Variants in ACAD11 observed in about 807,000 individuals in gnomAD.
ACAD11 encodes acyl-CoA dehydrogenase family member 11.
In ACAD11, 83 loss-of-function variants were observed where a neutral mutation model predicts 102.2. That is an observed-to-expected ratio of 0.81 (90% confidence interval 0.68 to 0.97). ACAD11 has a LOEUF of 0.97. Among genes scored for constraint, ACAD11 ranks in the 50% least tolerant of loss-of-function variants. The pLI is 0.00. For missense variants in ACAD11, 901 were observed against 951.7 expected (o/e 0.95, Z 0.70); for synonymous variants, 324 against 319.8 (o/e 1.01, Z -0.14).
rs1200833827 is a variant in ACAD11, at chr3:132,659,779, G to A, written c.-28C>T. On this transcript the variant is annotated 5_prime_UTR_variant, in exon 1 of 20. Transcript: ENST00000264990. ...TCACCCCCGCAGGCCACAGCAACGCGGCATCCACAGGTCTCGAGTGCCGAA... is the reference window on the plus strand; with the variant it reads ...TCACCCCCGCAGGCCACAGCAACGCAGCATCCACAGGTCTCGAGTGCCGAA... The A allele has an allele frequency of 2.6e-6, 4 of 1,564,994 alleles. No individual in the cohort carries two copies. The highest frequency in any genetic ancestry group is 3.5e-6 in the Non-Finnish European group (4 of 1,154,512).
At chr3:132,619,135 G>A (rs1047645229) in intron 10 of ACAD11, among the ~76,000 whole-genome samples, 1 of 152,100 alleles carries the variant, frequency 6.6e-6, no homozygotes, top group African/African-American at 2.4e-5. Context: ...TTGATGTTAA[G>A]ATTTGAAAAA....
Position 132,659,653 on chromosome 3 carries a change from C to G in ACAD11, c.99G>C (p.Leu33Phe), listed in dbSNP as rs1559984641. Residue 33 changes from leucine to phenylalanine, a missense_variant, in exon 1 of 20, where the codon TTG becomes TTC. Physicochemically the swap from Leu to Phe is conservative, Grantham distance 22. Transcript: ENST00000264990. The stretch of plus-strand genomic sequence containing the variant: ...CCTCACGTTCGGCCCCAAAGCCAGA[C>G]AAGTGCTGGTTTAGGTAGGCCTCCA... ...KSLEAYLNQH[L>F]SGFGAEREAT... 4 of 1,611,644 alleles carry G rather than the reference C, an allele frequency of 2.5e-6. No individual in the cohort carries two copies. The highest frequency in any genetic ancestry group is 2.5e-6 in the Non-Finnish European group (3 of 1,178,898).
intron 13 of ACAD11, among the ~76,000 whole-genome samples, chr3:132,588,999 C>T (rs529520990): frequency 2.1e-3 from 316 of 152,094 alleles, no homozygotes; most frequent in Non-Finnish European, 1.9e-3. Flanking sequence ...GCCTTTGGTC[C>T]GAAAGGCGGT....
At chr3:132,599,011 C>T (rs578220365) in intron 13 of ACAD11, among the ~76,000 whole-genome samples, 1 of 152,214 alleles carries the variant, frequency 6.6e-6, no homozygotes, top group Admixed American at 6.5e-5. Context: ...AACAGGCTAT[C>T]AGTTAGAAAG....
intron 5 of ACAD11, 50 bp from the exon 6 acceptor site, chr3:132,631,529 T>C (rs1476981577): frequency 1.5e-6 from 2 of 1,291,648 alleles, no homozygotes; most frequent in Non-Finnish European, 2.0e-6. Flanking sequence ...TTAAAACAAG[T>C]ATAATAAAGA....
At chr3:132,609,180 G>A (rs181768481) in intron 11 of ACAD11, among the ~76,000 whole-genome samples, 1 of 152,232 alleles carries the variant, frequency 6.6e-6, no homozygotes, top group African/African-American at 2.4e-5. Context: ...ATGCCCACAG[G>A]AGAAAGCGGG....
intron 9 of ACAD11, among the ~76,000 whole-genome samples, chr3:132,624,743 G>C (rs191570845): frequency 1.3e-5 from 2 of 151,812 alleles, no homozygotes; most frequent in East Asian, 4.0e-4. Flanking sequence ...CTGGAGTGCA[G>C]TGGCGCAATC....
At chr3:132,642,565 C>G (rs1477358498) in intron 3 of ACAD11, 112 bp downstream of exon 3, 1 of 1,219,276 alleles carries the variant, frequency 8.2e-7, no homozygotes, top group Non-Finnish European at 1.1e-6. Flanking sequence ...ATCTAATTAC[C>G]TAAAATGTTA....
rs1172244909 is a variant in ACAD11 at position 132,630,452 on chromosome 3, C to A, written c.948G>T (p.Met316Ile). 6.2e-7 allele frequency: 1 copy of A among 1,612,862 alleles called. No homozygotes were observed. The highest frequency in any genetic ancestry group is 1.1e-5 in the South Asian group (1 of 90,864). The change falls in exon 7 of 20, where the codon ATG becomes ATT. Residue 316 changes from methionine (M) to isoleucine (I), a missense_variant. Coordinates refer to ENST00000264990, the MANE Select transcript of ACAD11 (RefSeq NM_032169.5). ...NFFLALSYFK[M>I]AGIAQGVYSR... ...AATTAATTACCTGTGCTATTCCAGC[C>A]ATCTTAAAATATGAAAGGGCAAGAA...
chr3:132,618,945 T>C (rs930875818), intron 10 of ACAD11, 173 bp from the exon 11 acceptor site: 7 of 514,098 alleles, frequency 1.4e-5, no homozygotes, highest in East Asian at 7.0e-5. Context: ...TAATTCATTA[T>C]AAATCAACAG....
chr3:132,652,703 T>C (rs1235277070), intron 1 of ACAD11, among the ~76,000 whole-genome samples: 1 of 152,128 alleles, frequency 6.6e-6, no homozygotes, highest in Non-Finnish European at 1.5e-5. Flanking sequence ...AAGGAAATGT[T>C]TGGGGAACTA....
Position 132,568,801 on chromosome 3 carries a change from C to CAAAAAAAAAAAAAA in ACAD11, c.2001+6957_2001+6970dup, listed in dbSNP as rs755568917. 2.4e-3 allele frequency among the ~76,000 whole-genome samples: 162 copies of CAAAAAAAAAAAAAA among 68,662 alleles called. 1 individual carries two copies. Among genetic ancestry groups the CAAAAAAAAAAAAAA allele is most frequent in the East Asian group, 4.1e-3 (13 of 3,190 alleles). 45.0% of individuals were successfully genotyped at this position (68,662 alleles called of 152,430 possible). A position where few individuals can be genotyped will look rare whatever the true frequency, so the allele number is the denominator to read the frequency against. On this transcript the variant is annotated intron_variant, in intron 17 of 19. Coordinates refer to ENST00000264990, the MANE Select transcript of ACAD11 (RefSeq NM_032169.5). ...GCTGAAGCAATTGGACATCCACAGG[C>CAAAAAAAAAAAAAA]AAAAAAAAAAAAAAAAAAAAAAAAA...
intron 4 of ACAD11, among the ~76,000 whole-genome samples, chr3:132,641,637 A>AGG: frequency 6.6e-6 from 1 of 150,442 alleles, no homozygotes; most frequent in African/African-American, 2.5e-5. Flanking sequence ...GAGGAGGAAG[A>AGG]AGAGGAAGAA....
rs576875262 is a variant in ACAD11, at chr3:132,585,181, A to G, written c.1622-5623T>C. Among the ~76,000 whole-genome samples, 418 of 152,352 alleles carry G rather than the reference A, an allele frequency of 2.7e-3. 1 individual carries two copies. The highest frequency in any genetic ancestry group is 4.1e-3 in the Non-Finnish European group (279 of 68,034). On this transcript the variant is annotated intron_variant, in intron 13 of 19. Transcript: ENST00000264990. The stretch of plus-strand genomic sequence containing the variant: ...ATGGAACAGAACAGAGCCCTCAGAA[A>G]TAATGCCGCATATGTACAACTATCT...
intron 14 of ACAD11, 21 bp from the exon 15 acceptor site, chr3:132,578,902 A>G (rs1304583266): frequency 4.2e-5 from 68 of 1,610,896 alleles, no homozygotes; most frequent in Non-Finnish European, 5.3e-5. Context: ...GAAAAATTGT[A>G]TTAGAAAAAG....
chr3:132,599,914 AT>A (rs1195110131), intron 13 of ACAD11, among the ~76,000 whole-genome samples: 1 of 152,198 alleles, frequency 6.6e-6, no homozygotes, highest in Non-Finnish European at 1.5e-5. Context: ...AAAATAAAAA[AT>A]AAATTTAATT....
chr3:132,620,313 T>C (rs547859938), intron 9 of ACAD11: 20 of 152,364 alleles, frequency 1.3e-4, no homozygotes, highest in Non-Finnish European at 2.6e-4. Flanking sequence ...CACAGACTTA[T>C]GGGGCATTAA....
At chr3:132,569,601 A>T (rs1334506171) in intron 17 of ACAD11, among the ~76,000 whole-genome samples, 1 of 152,228 alleles carries the variant, frequency 6.6e-6, no homozygotes, top group Non-Finnish European at 1.5e-5. Context: ...AGTTAAACAA[A>T]CTGTAGTATA....
rs149911298 is a variant in ACAD11, at chr3:132,581,981, G to A, written c.1622-2423C>T. ...TATTAGTAATCCTGAAAATGTGAAAGTATAAGCTGTAGCTGATACAAGTTA... is the reference window on the plus strand; with the variant it reads ...TATTAGTAATCCTGAAAATGTGAAAATATAAGCTGTAGCTGATACAAGTTA... On this transcript the variant is annotated intron_variant, in intron 13 of 19. Transcript: ENST00000264990. Among the ~76,000 whole-genome samples, 106 of 152,156 alleles carry A rather than the reference G, an allele frequency of 7.0e-4. 1 individual carries two copies. Among genetic ancestry groups the A allele is most frequent in the African/African-American group, 1.9e-3 (81 of 41,552 alleles).
Sources: gnomAD v4.1 joint callset for allele counts (sites outside exome capture counted in the v4.1 genomes callset) on GRCh38, gnomAD v4.1.1 for gene constraint, MANE v1.5 for transcripts, NCBI Gene and HGNC (gene_info 2026-07-23, HGNC 2026-07-21) for gene names.